Variants in VSIG10L2 observed in about 807,000 individuals in gnomAD.
VSIG10L2 encodes the protein V-set and immunoglobulin domain-containing protein 10-like 2.
A neutral mutation model predicts 67.1 loss-of-function variants in VSIG10L2; 56 were observed. That is an observed-to-expected ratio of 0.83 (90% CI 0.67 to 1.04). VSIG10L2 has a LOEUF of 1.04. Among genes scored for constraint, VSIG10L2 ranks in the 50% least tolerant of loss-of-function variants. The pLI is 0.00. For synonymous variants in VSIG10L2, 360 were observed against 396.6 expected (o/e 0.91, Z 1.10); for missense variants, 843 against 932.8 (o/e 0.90, Z 1.25).
At position 125,946,146 on chromosome 11, in the gene VSIG10L2, T is replaced by TA; in HGVS notation, c.82+10dup. 1 of 398,998 alleles carries TA rather than the reference T, an allele frequency of 2.5e-6. No homozygotes were observed. 24.7% of individuals were successfully genotyped at this position (398,998 alleles called of 1,614,324 possible). ...GCACCTGAGGGCCTCAGGTGAGTGA[T>TA]ACTCAGACCCCCCAGGGGGTTCATT... On this transcript the variant is annotated intron_variant, in intron 1 of 11. Coordinates refer to ENST00000686984, the MANE Select transcript of VSIG10L2 (RefSeq NM_001365077.2). The surrounding 1 kb of genome is among the most constrained non-coding windows in gnomAD (Gnocchi z 4.4).
chr11:125,948,211 TGAGTCCC>T, intron 2 of VSIG10L2, 87 bp from the exon 3 acceptor site: 1 of 1,231,730 alleles, frequency 8.1e-7, no homozygotes, highest in Non-Finnish European at 1.0e-6. Flanking sequence ...GGTGGGCTGG[TGAGTCCC>T]CAGCCAGCAG....
chr11:125,954,967 T>C, intron 8 of VSIG10L2, 90 bp from the exon 9 acceptor site: 4 of 1,206,290 alleles, frequency 3.3e-6, no homozygotes, highest in Non-Finnish European at 4.1e-6. Context: ...GGGCACCGCT[T>C]CTCCAGAACC....
chr11:125,948,940 G>A (rs1945329534), intron 3 of VSIG10L2, among the ~76,000 whole-genome samples: 2 of 152,256 alleles, frequency 1.3e-5, no homozygotes, highest in African/African-American at 4.8e-5. Context: ...GGGCCACAGT[G>A]GGAGGAGAGG....
At chr11:125,950,884 C>G (rs7926671) in intron 4 of VSIG10L2, 26 bp from the exon 5 acceptor site, 245,461 of 1,232,172 alleles carry the variant, frequency 0.2, 25,639 homozygotes, top group East Asian at 0.44. Flanking sequence ...GGAGCCTGCT[C>G]CAGCCTCACC....
rs527810781 is a variant in VSIG10L2, at chr11:125,953,428, C to T, written c.1524C>T (p.Pro508=). The T allele has an allele frequency of 1.7e-5, 21 of 1,232,438 alleles. No individual in the cohort carries two copies. The East Asian group carries it at 5.4e-4, about 31-fold the overall frequency. 76.3% of individuals were successfully genotyped at this position (1,232,438 alleles called of 1,614,324 possible). A position where few individuals can be genotyped will look rare whatever the true frequency, so the allele number is the denominator to read the frequency against. ...LEAPQLDVAE[P]RVSVLEGGEA... ...CCCCACAGCTGGACGTGGCTGAGCC[C>T]CGCGTGTCAGTGTTGGAGGGGGGAG... The change falls in exon 7 of 12, where the codon CCC becomes CCT. Residue 508 remains proline, a synonymous_variant. Transcript: ENST00000686984.
chr11:125,949,655 A>G (rs998712845), intron 3 of VSIG10L2, among the ~76,000 whole-genome samples: 7 of 152,166 alleles, frequency 4.6e-5, no homozygotes, highest in African/African-American at 1.7e-4. Flanking sequence ...ATCCCACTGT[A>G]GTATCTTACT....
intron 8 of VSIG10L2, 145 bp from the exon 9 acceptor site, chr11:125,954,912 A>G (rs909867456): frequency 1.3e-5 from 11 of 863,744 alleles, no homozygotes; most frequent in African/African-American, 1.7e-5. Flanking sequence ...GATCTCCAGG[A>G]TTCTCTGGGT....
rs1945421655 is a variant in VSIG10L2 at position 125,954,373 on chromosome 11, G to A, written c.2073G>A (p.Val691=). The change falls in exon 8 of 12, where the codon GTG becomes GTA. Residue 691 remains valine (V), a synonymous_variant. Coordinates refer to ENST00000686984, the MANE Select transcript of VSIG10L2 (RefSeq NM_001365077.2). ...ACACTGCAGGACATCCCTCTGAGGTGAAGATACCAGGTGCCAGCTAATGCC... is the reference window on the plus strand; with the variant it reads ...ACACTGCAGGACATCCCTCTGAGGTAAAGATACCAGGTGCCAGCTAATGCC... ...NHHTAGHPSE[V]KIPADPPFSA... 1 of 1,232,050 alleles carries A rather than the reference G, an allele frequency of 8.1e-7. No homozygotes were observed. Among genetic ancestry groups the A allele is most frequent in the South Asian group, 4.1e-5 (1 of 24,310 alleles). The allele number at this position is 1,232,050 out of a possible 1,614,324, so 76.3% of individuals were successfully genotyped here. A position where few individuals can be genotyped will look rare whatever the true frequency, so the allele number is the denominator to read the frequency against.
At chr11:125,950,762 C>G in intron 4 of VSIG10L2, 148 bp from the exon 5 acceptor site, 1 of 737,646 alleles carries the variant, frequency 1.4e-6, no homozygotes, top group Admixed American at 4.3e-5. Context: ...ACCAGCCCCT[C>G]AGAGAGACTC....
At chr11:125,950,694 A>T (rs772839577) in intron 4 of VSIG10L2, among the ~76,000 whole-genome samples, 2 of 152,082 alleles carry the variant, frequency 1.3e-5, no homozygotes, top group African/African-American at 2.4e-5. Flanking sequence ...TGGGGACTCC[A>T]AACTCCTGTA....
Position 125,952,087 on chromosome 11 carries a change from A to G in VSIG10L2, c.1495+14A>G. ...ACCTCCAGCTGGGTGAGTAGGGGCT[A>G]GCGAGTTTGTTCTGGGGCTGGGACA... On this transcript the variant is annotated intron_variant, in intron 6 of 11. Coordinates refer to ENST00000686984, the MANE Select transcript of VSIG10L2 (RefSeq NM_001365077.2). The G allele has an allele frequency of 2.0e-6, 3 of 1,525,164 alleles. No homozygotes were observed. The highest frequency in any genetic ancestry group is 2.6e-6 in the Non-Finnish European group (3 of 1,139,180). The allele number at this position is 1,525,164 out of a possible 1,614,324, so 94.5% of individuals were successfully genotyped here. A position where few individuals can be genotyped will look rare whatever the true frequency, so the allele number is the denominator to read the frequency against.
Position 125,951,941 on chromosome 11 carries a change from C to G in VSIG10L2, c.1363C>G (p.Pro455Ala). The change falls in exon 6 of 12, where the codon CCC (proline) becomes GCC (alanine). Residue 455 changes from proline to alanine, a missense_variant. By Grantham distance (27) the Pro-to-Ala change is conservative. This residue lies in a region of VSIG10L2 where 446 missense variants were observed against 548.4 expected (regional missense o/e 0.81). Transcript: ENST00000686984. ...TLGWLDEQQQ[P>A]LGGSSSSMAV... ...GGGCTGGCTTGACGAACAGCAGCAG[C>G]CCCTGGGCGGCAGCAGCTCCTCGAT... is the stretch of plus-strand genomic sequence containing the variant. The G allele has an allele frequency of 2.6e-6, 4 of 1,536,080 alleles. No homozygotes were observed. Among genetic ancestry groups the G allele is most frequent in the Non-Finnish European group, 3.5e-6 (4 of 1,146,882 alleles).
chr11:125,956,303 G>C lies in VSIG10L2; in HGVS notation c.*389G>C. On this transcript the variant is annotated 3_prime_UTR_variant, in exon 12 of 12. Transcript: ENST00000686984. ...TGGAGCAATTCCTAAATAAATCAGA[G>C]CTGATGTTCACGCCAATAGAGGGCT... 1.5e-6 allele frequency: 1 copy of C among 680,488 alleles called. No individual in the cohort carries two copies. The allele number at this position is 680,488 out of a possible 1,614,324, so 42.2% of individuals were successfully genotyped here.
rs1268656889 is a variant in VSIG10L2 at position 125,948,071 on chromosome 11, G to A, written c.433+35G>A. 4.1e-6 allele frequency: 5 copies of A among 1,232,364 alleles called. No individual in the cohort carries two copies. In the East Asian group the frequency reaches 1.6e-4, roughly 39 times the overall value. The allele number at this position is 1,232,364 out of a possible 1,614,324, so 76.3% of individuals were successfully genotyped here. On this transcript the variant is annotated intron_variant, in intron 2 of 11. Transcript: ENST00000686984. Reference sequence around the variant, plus strand: ...TGGCCCCAGCTGCAGCTGGTCCGCGGGCTGCTTTGGATTTCTCTGGAAGTG... The same window carrying A: ...TGGCCCCAGCTGCAGCTGGTCCGCGAGCTGCTTTGGATTTCTCTGGAAGTG...
At position 125,947,781 on chromosome 11, in the gene VSIG10L2, C is replaced by T; in HGVS notation, c.178C>T (p.Pro60Ser). The stretch of plus-strand genomic sequence containing the variant: ...CGTGGAGCTGGCCTGTGGCTCAGGG[C>T]CTGCCCCGCTGCTGGTCCTCTGGAG... ...GSVELACGSG[P>S]APLLVLWSFT... The change falls in exon 2 of 12, where the codon CCT becomes TCT. Residue 60 changes from proline (P) to serine (S), a missense_variant. Coordinates refer to ENST00000686984, the MANE Select transcript of VSIG10L2 (RefSeq NM_001365077.2). 1 of 1,232,614 alleles carries T rather than the reference C, an allele frequency of 8.1e-7. No individual in the cohort carries two copies. Among genetic ancestry groups the T allele is most frequent in the Non-Finnish European group, 1.0e-6 (1 of 988,362 alleles). 76.4% of individuals were successfully genotyped at this position (1,232,614 alleles called of 1,614,324 possible).
chr11:125,952,859 G>A (rs185829461), intron 6 of VSIG10L2, among the ~76,000 whole-genome samples: 5 of 152,342 alleles, frequency 3.3e-5, no homozygotes, highest in African/African-American at 7.2e-5. Flanking sequence ...CCAAAGGCTT[G>A]GTAACTAGCA....
rs534772169 is a variant in VSIG10L2, at chr11:125,949,354, G to A, written c.710-660G>A. Among the ~76,000 whole-genome samples the A allele has an allele frequency of 3.9e-5, 6 of 152,250 alleles. No individual in the cohort carries two copies. The East Asian group carries it at 5.8e-4, about 15-fold the overall frequency. On this transcript the variant is annotated intron_variant, in intron 3 of 11. Coordinates refer to ENST00000686984, the MANE Select transcript of VSIG10L2 (RefSeq NM_001365077.2). ...TGTGTCTGGCATCCGCCTATTGGAC[G>A]GTGCTGGTCTTAGACGTTTTAAGGA...
Position 125,951,943 on chromosome 11 carries a change from C to A in VSIG10L2, c.1365C>A (p.Pro455=), listed in dbSNP as rs1415355981. The stretch of plus-strand genomic sequence containing the variant: ...GCTGGCTTGACGAACAGCAGCAGCC[C>A]CTGGGCGGCAGCAGCTCCTCGATGG... ...TLGWLDEQQQ[P]LGGSSSSMAV... is the part of the protein sequence containing the mutation. Residue 455 remains proline (P), a synonymous_variant, in exon 6 of 12, where the codon CCC becomes CCA. Coordinates refer to ENST00000686984, the MANE Select transcript of VSIG10L2 (RefSeq NM_001365077.2). The A allele has an allele frequency of 6.5e-7, 1 of 1,536,110 alleles. No individual in the cohort carries two copies. Among genetic ancestry groups the A allele is most frequent in the Admixed American group, 2.0e-5 (1 of 50,996 alleles).
In VSIG10L2 at chr11:125,955,924, A is replaced by T. The variant is rs1324214039; in HGVS notation, c.*10A>T. 2 of 650,352 alleles carry T rather than the reference A, an allele frequency of 3.1e-6. No homozygotes were observed. Among genetic ancestry groups the T allele is most frequent in the Non-Finnish European group, 5.5e-6 (2 of 362,204 alleles). 40.3% of individuals were successfully genotyped at this position (650,352 alleles called of 1,614,324 possible). On this transcript the variant is annotated 3_prime_UTR_variant, in exon 12 of 12. Coordinates refer to ENST00000686984, the MANE Select transcript of VSIG10L2 (RefSeq NM_001365077.2). ...GACTGCAACACCATAAGGCCCAAAG[A>T]GGAAGATGCAAATAGGCTTAGGGAG... is the stretch of plus-strand genomic sequence containing the variant.
Sources: gnomAD v4.1 joint callset for allele counts (sites outside exome capture counted in the v4.1 genomes callset) on GRCh38, gnomAD v4.1.1 for gene constraint, gnomAD v4.1.1 regional missense constraint, Gnocchi (gnomAD v3.1) non-coding constraint, MANE v1.5 for transcripts, NCBI Gene and HGNC (gene_info 2026-07-23, HGNC 2026-07-21) for gene names.